The following OPCML variants were observed in gnomAD, a reference collection of about 807,000 sequenced individuals.
The protein encoded by OPCML is opioid-binding protein/cell adhesion molecule.
OPCML carries 13 observed loss-of-function variants against 37.8 expected under a neutral mutation model. That is an observed-to-expected ratio of 0.34 (90% CI 0.22 to 0.55). The LOEUF (loss-of-function observed/expected upper bound fraction) is 0.55. Among genes scored for constraint, OPCML ranks in the 20% least tolerant of loss-of-function variants. OPCML has a pLI of 0.91. For missense variants in OPCML, 341 were observed against 435.6 expected, an observed-to-expected ratio of 0.78 and a Z score of 1.93; for synonymous variants, 176 against 168.8, an observed-to-expected ratio of 1.04 and a Z score of -0.33.
At chr11:132,449,604 C>T (rs1467089776) in intron 4 of OPCML, among the ~76,000 whole-genome samples, 12 of 152,140 alleles carry the variant, frequency 7.9e-5, no homozygotes, top group Non-Finnish European at 1.3e-4. Flanking sequence ...AAGACAATTC[C>T]AGTATGATGC....
intron 1 of OPCML, among the ~76,000 whole-genome samples, chr11:133,038,406 C>T (rs1194375059): frequency 6.6e-6 from 1 of 152,148 alleles, no homozygotes; most frequent in Non-Finnish European, 1.5e-5. Flanking sequence ...TAATAAATTC[C>T]CTGCCTCAAG....
intron 1 of OPCML, chr11:133,297,438 A>G (rs1942657707): frequency 6.6e-6 from 1 of 152,202 alleles, no homozygotes; most frequent in East Asian, 1.9e-4. Flanking sequence ...ATTCTTATAC[A>G]GGTGCATTTA....
chr11:132,439,251 TC>T (rs1338204363), intron 4 of OPCML, among the ~76,000 whole-genome samples: 1 of 151,852 alleles, frequency 6.6e-6, no homozygotes, highest in African/African-American at 2.4e-5. Flanking sequence ...AGAAATGGGG[TC>T]TGAAATAGTG....
chr11:133,152,308 C>T (rs185459683), intron 1 of OPCML, among the ~76,000 whole-genome samples: 7 of 152,294 alleles, frequency 4.6e-5, no homozygotes, highest in South Asian at 2.1e-4. Flanking sequence ...TTTTGTGATG[C>T]TTATCAACAG....
At chr11:132,894,781 C>T (rs1249895321) in intron 2 of OPCML, among the ~76,000 whole-genome samples, 3 of 152,124 alleles carry the variant, frequency 2.0e-5, no homozygotes, top group South Asian at 2.1e-4. Context: ...ACTCCAGGCT[C>T]GCTGGCCTTT....
intron 2 of OPCML, among the ~76,000 whole-genome samples, chr11:132,921,311 C>T (rs943748916): frequency 1.3e-5 from 2 of 152,146 alleles, no homozygotes; most frequent in Admixed American, 6.5e-5. Flanking sequence ...AATGGACGTG[C>T]GTTCTTTGGT....
chr11:133,381,815 C>T (rs1232567185), intron 1 of OPCML, among the ~76,000 whole-genome samples: 2 of 152,214 alleles, frequency 1.3e-5, no homozygotes, highest in Non-Finnish European at 2.9e-5. Context: ...TATGTGGACA[C>T]ATTCATAGCA....
At chr11:133,532,079 G>C (rs1948617449) in intron 1 of OPCML, 185 bp downstream of exon 1, 1 of 552,766 alleles carries the variant, frequency 1.8e-6, no homozygotes, top group African/African-American at 2.0e-5. Context: ...AAGCATCTGC[G>C]CGCGTGTGAG....
chr11:133,114,028 C>T (rs1949295403), intron 1 of OPCML, among the ~76,000 whole-genome samples: 1 of 152,238 alleles, frequency 6.6e-6, no homozygotes, highest in African/African-American at 2.4e-5. Flanking sequence ...CTCCTCCCTG[C>T]TTCTTCAGAA....
At chr11:132,777,775 C>T (rs1164505410) in intron 2 of OPCML, among the ~76,000 whole-genome samples, 6 of 152,104 alleles carry the variant, frequency 3.9e-5, no homozygotes, top group South Asian at 2.1e-4. Context: ...TAATTGGGAA[C>T]GACGGAATCC....
chr11:132,778,557 G>A (rs1201570525), intron 2 of OPCML, among the ~76,000 whole-genome samples: 2 of 152,166 alleles, frequency 1.3e-5, no homozygotes, highest in African/African-American at 2.4e-5. Context: ...TTTTACATCC[G>A]TGTTTTTCTG....
At chr11:132,890,148 G>A (rs1166614608) in intron 2 of OPCML, among the ~76,000 whole-genome samples, 1 of 152,044 alleles carries the variant, frequency 6.6e-6, no homozygotes, top group East Asian at 1.9e-4. Context: ...TAATGCTCCT[G>A]AGATGCCTAT....
intron 2 of OPCML, among the ~76,000 whole-genome samples, chr11:132,933,481 A>G (rs1008551423): frequency 1.3e-5 from 2 of 152,210 alleles, no homozygotes; most frequent in African/African-American, 4.8e-5. Flanking sequence ...TATCTCAACT[A>G]GGGTTCAAAT....
intron 1 of OPCML, among the ~76,000 whole-genome samples, chr11:133,269,562 A>AT (rs1278558007): frequency 1.3e-5 from 2 of 152,074 alleles, no homozygotes; most frequent in African/African-American, 2.4e-5. Flanking sequence ...TTTATTACTC[A>AT]TGTTTTTTCT....
intron 2 of OPCML, among the ~76,000 whole-genome samples, chr11:132,804,011 C>T (rs1468730699): frequency 6.6e-6 from 1 of 152,136 alleles, no homozygotes; most frequent in Admixed American, 6.5e-5. Context: ...TCACTTTAAG[C>T]CACAATGGAG....
At chr11:132,699,516 C>T (rs2135917109) in intron 2 of OPCML, among the ~76,000 whole-genome samples, 1 of 152,118 alleles carries the variant, frequency 6.6e-6, no homozygotes, top group Non-Finnish European at 1.5e-5. Context: ...TATTGAGGCA[C>T]ATTCGTTCTA....
At chr11:133,059,493 A>C (rs568148848) in intron 1 of OPCML, among the ~76,000 whole-genome samples, 1 of 152,230 alleles carries the variant, frequency 6.6e-6, no homozygotes, top group Non-Finnish European at 1.5e-5. Context: ...CACAAAGCCC[A>C]TTGCATGAGT....
chr11:132,520,674 A>ATATATGTGTGTGTG lies in OPCML; in HGVS notation c.505+8386_505+8387insCACACACACATATA, dbSNP rs10630619. Among the ~76,000 whole-genome samples the ATATATGTGTGTGTG allele has an allele frequency of 6.2e-4, 80 of 128,096 alleles. 1 individual carries two copies. The highest frequency in any genetic ancestry group is 8.2e-3 in the Middle Eastern group (2 of 244). 84.0% of individuals were successfully genotyped at this position (128,096 alleles called of 152,430 possible). ...TGTCATCTTATGTAACTAAATATAT[A>ATATATGTGTGTGTG]TGTGTGTGTGTGTGTGTGTGTGTGT... On this transcript the variant is annotated intron_variant, in intron 4 of 7. Coordinates refer to ENST00000524381, the MANE Select transcript of OPCML (RefSeq NM_001012393.5).
intron 2 of OPCML, among the ~76,000 whole-genome samples, chr11:132,933,329 A>AAGC (rs1198564968): frequency 6.6e-6 from 1 of 152,200 alleles, no homozygotes; most frequent in East Asian, 1.9e-4. Flanking sequence ...GAAGGGGAGA[A>AAGC]AGCAGACATT....
Sources: allele counts gnomAD v4.1 joint callset (sites outside exome capture counted in the v4.1 genomes callset), GRCh38; gene constraint gnomAD v4.1.1; transcripts MANE v1.5; gene names NCBI Gene and HGNC (gene_info 2026-07-23, HGNC 2026-07-21).